Variants in SVOP observed in about 807,000 individuals in gnomAD.
SVOP encodes the protein synaptic vesicle 2-related protein.
Under a neutral mutation model 69.1 loss-of-function variants are expected in SVOP, and 17 were observed. The ratio of observed to expected loss-of-function variants is 0.25; its 90% CI spans 0.17 to 0.37. SVOP has a LOEUF of 0.37. Among genes scored for constraint, SVOP ranks in the 10% least tolerant of loss-of-function variants. SVOP has a pLI of 1.00. For synonymous variants in SVOP, 238 were observed against 238.6 expected (o/e 1.00, Z 0.02); for missense variants, 435 against 597.5 (o/e 0.73, Z 2.84).
chr12:108,920,343 C>A (rs550765378), intron 12 of SVOP, among the ~76,000 whole-genome samples: 1 of 152,174 alleles, frequency 6.6e-6, no homozygotes, highest in Admixed American at 6.5e-5. Context: ...AGATAACTAA[C>A]CCAGGCACCA....
At chr12:108,966,157 T>G (rs1047367063) in intron 5 of SVOP, among the ~76,000 whole-genome samples, 1 of 152,174 alleles carries the variant, frequency 6.6e-6, no homozygotes, top group African/African-American at 2.4e-5. Context: ...CATGCCATCA[T>G]GCCTGGCTAC....
At chr12:109,012,168 A>G (rs1022369108) in intron 1 of SVOP, among the ~76,000 whole-genome samples, 7 of 152,100 alleles carry the variant, frequency 4.6e-5, no homozygotes, top group Non-Finnish European at 7.4e-5. Flanking sequence ...CTATAATCCC[A>G]GCTACTCAGG....
intron 2 of SVOP, among the ~76,000 whole-genome samples, chr12:108,980,830 C>T (rs1273461396): frequency 3.3e-5 from 5 of 151,724 alleles, no homozygotes; most frequent in African/African-American, 1.2e-4. Flanking sequence ...GAGGCTGAGG[C>T]AGGAGAATCG....
intron 1 of SVOP, among the ~76,000 whole-genome samples, chr12:109,002,976 T>TA (rs1460640458): frequency 9.1e-6 from 1 of 110,340 alleles, no homozygotes; most frequent in African/African-American, 3.7e-5. Context: ...ATTAAAAAAT[T>TA]AAAAATAAAT....
chr12:108,997,615 A>G (rs1168283785), intron 1 of SVOP, among the ~76,000 whole-genome samples: 4 of 151,620 alleles, frequency 2.6e-5, no homozygotes, highest in Admixed American at 1.3e-4. Flanking sequence ...TGGAGATCTG[A>G]GAACGGGCAG....
At chr12:108,978,523 T>A (rs1593197804) in intron 3 of SVOP, 55 bp downstream of exon 3, 6 of 696,286 alleles carry the variant, frequency 8.6e-6, no homozygotes, top group Middle Eastern at 4.9e-4. Context: ...GAAACCCAGT[T>A]GAGCAGCATG....
chr12:108,969,117 C>T (rs1302429692), intron 5 of SVOP, among the ~76,000 whole-genome samples: 1 of 152,060 alleles, frequency 6.6e-6, no homozygotes, highest in Non-Finnish European at 1.5e-5. Context: ...TAAAGATTAA[C>T]ATTGGATTCA....
chr12:108,920,594 CTTTTTTTTT>C (rs71079507), intron 12 of SVOP, among the ~76,000 whole-genome samples: 18 of 121,292 alleles, frequency 1.5e-4, no homozygotes, highest in African/African-American at 5.6e-4. Flanking sequence ...ATTTTTACAT[CTTTTTTTTT>C]TTTTTTTTTT....
chr12:109,016,744 C>CTTT (rs34685990), intron 1 of SVOP, among the ~76,000 whole-genome samples: 1 of 133,454 alleles, frequency 7.5e-6, no homozygotes, highest in Non-Finnish European at 1.6e-5. Flanking sequence ...TGCATTAGTT[C>CTTT]TTTTTTTTTT....
intron 6 of SVOP, among the ~76,000 whole-genome samples, chr12:108,958,695 G>A (rs949984321): frequency 8.5e-5 from 13 of 152,172 alleles, no homozygotes; most frequent in African/African-American, 2.9e-4. Context: ...AAAATGAGCA[G>A]GAGCATTGCC....
At chr12:108,960,403 T>C (rs1251443589) in intron 6 of SVOP, among the ~76,000 whole-genome samples, 1 of 152,182 alleles carries the variant, frequency 6.6e-6, no homozygotes, top group Non-Finnish European at 1.5e-5. Context: ...TCTCAGTACC[T>C]TAAACTACAA....
chr12:108,994,784 A>C (rs1028224816), intron 1 of SVOP, among the ~76,000 whole-genome samples: 1 of 152,130 alleles, frequency 6.6e-6, no homozygotes, highest in East Asian at 1.9e-4. Context: ...TGATAATAGA[A>C]CACTAGAAAT....
Position 108,961,018 on chromosome 12 carries a change from C to T in SVOP, c.483G>A (p.Leu161=). The change falls in exon 6 of 16, where the codon CTG becomes CTA. Residue 161 remains leucine, a synonymous_variant. Coordinates refer to ENST00000610966, the MANE Select transcript of SVOP (RefSeq NM_018711.5). ...CAAATGCACTAAGGATGCCATAGTA[C>T]AGAGTCCACAGCACGCTGATCTTCA... is the stretch of plus-strand genomic sequence containing the variant. ...TGLKISVLWT[L]YYGILSAFAP... 6.5e-7 allele frequency: 1 copy of T among 1,537,022 alleles called. No individual in the cohort carries two copies.
At chr12:109,016,472 T>A (rs1393537183) in intron 1 of SVOP, among the ~76,000 whole-genome samples, 1 of 152,222 alleles carries the variant, frequency 6.6e-6, no homozygotes, top group African/African-American at 2.4e-5. Context: ...AGACCCTGGA[T>A]GGCCTACTCC....
At chr12:108,975,029 A>G (rs2040099349) in intron 4 of SVOP, among the ~76,000 whole-genome samples, 1 of 152,196 alleles carries the variant, frequency 6.6e-6, no homozygotes, top group Admixed American at 6.5e-5. Context: ...ACAGTCCTGG[A>G]TTCTACATGG....
At chr12:108,982,958 C>T (rs1228531853) in intron 2 of SVOP, among the ~76,000 whole-genome samples, 20 of 149,462 alleles carry the variant, frequency 1.3e-4, no homozygotes, top group Non-Finnish European at 2.7e-4. Context: ...TCATGATCAC[C>T]ATCATCATCA....
At chr12:108,913,107 T>C (rs2039694858) in intron 15 of SVOP, among the ~76,000 whole-genome samples, 1 of 152,210 alleles carries the variant, frequency 6.6e-6, no homozygotes, top group Admixed American at 6.5e-5. Context: ...GTTTCATTCT[T>C]GTTGCCCAGA....
chr12:108,937,846 C>T (rs17041115), intron 9 of SVOP, among the ~76,000 whole-genome samples: 24,157 of 152,206 alleles, frequency 0.16, 2,071 homozygotes, highest in Non-Finnish European at 0.17. Context: ...CTTTGCTTTA[C>T]GATGTTCTTT....
chr12:108,928,636 G>A (rs768843119), intron 11 of SVOP, among the ~76,000 whole-genome samples: 46 of 148,768 alleles, frequency 3.1e-4, no homozygotes, highest in Non-Finnish European at 4.7e-4. Flanking sequence ...GTACAATCTC[G>A]TCTCACAGCA....
Sources: gnomAD v4.1 joint callset for allele counts (sites outside exome capture counted in the v4.1 genomes callset) on GRCh38, gnomAD v4.1.1 for gene constraint, MANE v1.5 for transcripts, NCBI Gene and HGNC (gene_info 2026-07-23, HGNC 2026-07-21) for gene names.